DYRK4: variants seen among roughly 807,000 people sequenced by gnomAD.
The protein encoded by DYRK4 is dual specificity tyrosine-phosphorylation-regulated kinase 4.
In DYRK4, 64 loss-of-function variants were observed where a neutral mutation model predicts 68.3. The observed-to-expected ratio is 0.94, with a 90% CI of 0.77 to 1.15. The LOEUF (loss-of-function observed/expected upper bound fraction) is 1.15, where lower values mean the gene tolerates loss of function less well. Among genes scored for constraint, DYRK4 ranks in the 50% most tolerant of loss-of-function variants. DYRK4 has a pLI of 0.00. For missense variants in DYRK4, 740 were observed against 764.7 expected, an observed-to-expected ratio of 0.97 and a Z score of 0.38; for synonymous variants, 274 against 289.9, an observed-to-expected ratio of 0.95 and a Z score of 0.56.
At chr12:4,607,502 G>A (rs1174562218) in intron 12 of DYRK4, 115 bp downstream of exon 12, 35 of 1,140,358 alleles carry the variant, frequency 3.1e-5, no homozygotes, top group East Asian at 4.9e-5. Context: ...GATTAAGAGC[G>A]TCTTTCAGAG....
chr12:4,573,250 C>G, intron 2 of DYRK4: 1 of 1,182,986 alleles, frequency 8.5e-7, no homozygotes, highest in Non-Finnish European at 1.1e-6. Context: ...TAGGCATTTA[C>G]TTCTATATAA....
At chr12:4,602,983 A>G (rs1945098525) in intron 10 of DYRK4, 10 of 891,614 alleles carry the variant, frequency 1.1e-5, no homozygotes, top group Non-Finnish European at 1.6e-5. Context: ...ACTCCCTTTT[A>G]TCATTCACGG....
intron 12 of DYRK4, among the ~76,000 whole-genome samples, chr12:4,609,154 A>G (rs1234040853): frequency 1.3e-5 from 2 of 152,170 alleles, no homozygotes; most frequent in Non-Finnish European, 2.9e-5. Context: ...TACCATCAGC[A>G]CTAGGCTTTA....
chr12:4,573,991 C>G (rs550596225), intron 2 of DYRK4, among the ~76,000 whole-genome samples: 2 of 152,122 alleles, frequency 1.3e-5, no homozygotes, highest in East Asian at 3.9e-4. Context: ...TTTGGGAGGC[C>G]AAGGCGGGTG....
rs937532497 is a variant in DYRK4 at position 4,583,551 on chromosome 12, C to G, written c.133-5386C>G. On this transcript the variant is annotated intron_variant, in intron 2 of 14. Coordinates refer to ENST00000543431, the MANE Select transcript of DYRK4 (RefSeq NM_001394779.1). ...CTGAGACTACAGGCGCCTGCCACCACGCCCGACTAATTTTTGTGTTTTTAG... is the reference window on the plus strand; with the variant it reads ...CTGAGACTACAGGCGCCTGCCACCAGGCCCGACTAATTTTTGTGTTTTTAG... 2.6e-5 allele frequency among the ~76,000 whole-genome samples: 4 copies of G among 151,958 alleles called. No individual in the cohort carries two copies. The East Asian group carries it at 7.7e-4, about 29-fold the overall frequency.
At chr12:4,584,256 C>T (rs898602619) in intron 2 of DYRK4, among the ~76,000 whole-genome samples, 4 of 152,172 alleles carry the variant, frequency 2.6e-5, no homozygotes, top group Non-Finnish European at 5.9e-5. Flanking sequence ...GTGATCTGTG[C>T]TTGGCACACT....
chr12:4,568,085 A>G (rs769155950), intron 2 of DYRK4, 37 bp downstream of exon 2: 8 of 1,523,020 alleles, frequency 5.3e-6, no homozygotes, highest in Non-Finnish European at 7.0e-6. Flanking sequence ...GAAGAGAGGT[A>G]TCATTGCGAG....
chr12:4,589,346 C>T (rs1944928884), intron 3 of DYRK4, among the ~76,000 whole-genome samples: 1 of 152,086 alleles, frequency 6.6e-6, no homozygotes, highest in Admixed American at 6.5e-5. Context: ...AGGCATTTAT[C>T]CTTTGTGTTA....
chr12:4,607,289 C>T (rs1436597484), intron 11 of DYRK4, 38 bp from the exon 12 acceptor site: 8 of 1,613,324 alleles, frequency 5.0e-6, no homozygotes, highest in Non-Finnish European at 6.8e-6. Context: ...AATCTGTGCT[C>T]CCACAAAGAA....
intron 2 of DYRK4, among the ~76,000 whole-genome samples, chr12:4,586,411 C>T (rs1447488016): frequency 6.6e-6 from 1 of 152,106 alleles, no homozygotes; most frequent in African/African-American, 2.4e-5. Context: ...TTAGATATAA[C>T]AATGTCATGA....
At chr12:4,575,331 C>T (rs1048724993) in intron 2 of DYRK4, among the ~76,000 whole-genome samples, 5 of 57,254 alleles carry the variant, frequency 8.7e-5, no homozygotes. Context: ...GTTTTCGAAA[C>T]GGAGTCTCGC....
chr12:4,582,243 G>A (rs934664287), intron 2 of DYRK4, among the ~76,000 whole-genome samples: 8 of 151,918 alleles, frequency 5.3e-5, no homozygotes, highest in African/African-American at 1.7e-4. Context: ...TCGGGAGTTC[G>A]AGACCAGCCT....
intron 12 of DYRK4, among the ~76,000 whole-genome samples, chr12:4,608,630 T>C (rs1945181707): frequency 6.6e-6 from 1 of 152,022 alleles, no homozygotes; most frequent in Non-Finnish European, 1.5e-5. Context: ...CCTTAAACTC[T>C]CCATGATCCA....
Position 4,591,074 on chromosome 12 carries a change from G to A in DYRK4, c.325-86G>A, listed in dbSNP as rs1351905637. On this transcript the variant is annotated intron_variant, in intron 4 of 14. Coordinates refer to ENST00000543431, the MANE Select transcript of DYRK4 (RefSeq NM_001394779.1). The surrounding 1 kb of genome is among the most constrained non-coding windows in gnomAD (Gnocchi z 4.1). The stretch of plus-strand genomic sequence containing the variant: ...AGGTAGGTAAAGAGCCTGGCTGAAG[G>A]TGGGTGTCTTTGGTTAAATAAATGG... 15 of 1,497,762 alleles carry A rather than the reference G, an allele frequency of 1.0e-5. No homozygotes were observed. The highest frequency in any genetic ancestry group is 1.4e-5 in the Non-Finnish European group (15 of 1,109,650). The allele number at this position is 1,497,762 out of a possible 1,614,324, so 92.8% of individuals were successfully genotyped here.
In DYRK4 at chr12:4,591,530, G is replaced by A. The variant is rs1944954801; in HGVS notation, c.463+232G>A. ...AAGGAGTGGCTCTGGGCAAGGGCGGGATGTACCAATGCAGACAGAAGGAAG... is the reference window on the plus strand; with the variant it reads ...AAGGAGTGGCTCTGGGCAAGGGCGGAATGTACCAATGCAGACAGAAGGAAG... On this transcript the variant is annotated intron_variant, in intron 5 of 14. Transcript: ENST00000543431. This position sits in a 1 kb window ranked among gnomAD's most constrained non-coding sequence, Gnocchi z 4.1. The A allele has an allele frequency of 3.7e-6, 2 of 538,594 alleles. No homozygotes were observed. The highest frequency in any genetic ancestry group is 6.4e-5 in the Admixed American group (2 of 31,416). The allele number at this position is 538,594 out of a possible 1,614,324, so 33.4% of individuals were successfully genotyped here.
At chr12:4,597,049 A>G (rs60139771) in intron 8 of DYRK4, 47,788 of 1,158,168 alleles carry the variant, frequency 0.041, 1,995 homozygotes, top group African/African-American at 0.21. Flanking sequence ...CTTTGTTTGC[A>G]GTCATTTTCC....
chr12:4,576,140 T>G (rs970853946), intron 2 of DYRK4, among the ~76,000 whole-genome samples: 4 of 152,214 alleles, frequency 2.6e-5, no homozygotes, highest in Non-Finnish European at 5.9e-5. Context: ...ACCGGATAGT[T>G]TCACTGACCT....
chr12:4,606,339 T>C (rs1430823931), intron 11 of DYRK4, among the ~76,000 whole-genome samples: 1 of 152,250 alleles, frequency 6.6e-6, no homozygotes, highest in Non-Finnish European at 1.5e-5. Context: ...TCTGTATCTA[T>C]CTATCTTTGC....
intron 2 of DYRK4, among the ~76,000 whole-genome samples, chr12:4,568,312 G>A (rs1372031240): frequency 6.6e-6 from 1 of 152,160 alleles, no homozygotes; most frequent in Non-Finnish European, 1.5e-5. Context: ...TTATTCTGCT[G>A]TATATATGTG....
Sources: gnomAD v4.1 joint callset for allele counts (sites outside exome capture counted in the v4.1 genomes callset) on GRCh38, gnomAD v4.1.1 for gene constraint, Gnocchi (gnomAD v3.1) non-coding constraint, MANE v1.5 for transcripts, NCBI Gene and HGNC (gene_info 2026-07-23, HGNC 2026-07-21) for gene names.